ARHGEF3: variants seen among roughly 807,000 people sequenced by gnomAD.
The protein encoded by ARHGEF3 is 59.8 kDA protein.
In ARHGEF3, 28 loss-of-function variants were observed where a neutral mutation model predicts 63.2. The ratio of observed to expected loss-of-function variants is 0.44; its 90% confidence interval spans 0.33 to 0.61. ARHGEF3 has a LOEUF of 0.61. Among genes scored for constraint, ARHGEF3 ranks in the 20% least tolerant of loss-of-function variants. The probability of loss-of-function intolerance (pLI) is 0.03; values close to 1 mark genes in which losing one functional copy is unlikely to be tolerated. For missense variants in ARHGEF3, 533 were observed against 659.3 expected (o/e 0.81, Z 2.10); for synonymous variants, 266 against 254.2 (o/e 1.05, Z -0.44).
At chr3:56,985,498 C>T (rs1040906280) in intron 2 of ARHGEF3, among the ~76,000 whole-genome samples, 2 of 152,226 alleles carry the variant, frequency 1.3e-5, no homozygotes, top group Non-Finnish European at 1.5e-5. Context: ...CGCTACAGGG[C>T]GACAATGTGA....
Position 57,053,022 on chromosome 3 carries a change from C to T in ARHGEF3, c.-27-17846G>A, listed in dbSNP as rs189768487. On this transcript the variant is annotated intron_variant, in intron 1 of 12. Coordinates refer to the ARHGEF3 transcript ENST00000338458. ...GGCAAACAGAAGCAGATTTGCCCTC[C>T]TCACTGGGTCCCCTCCACCCTACCC... 1.2e-3 allele frequency among the ~76,000 whole-genome samples: 190 copies of T among 152,322 alleles called. 2 individuals carry two copies. Among genetic ancestry groups the T allele is most frequent in the Admixed American group, 0.012 (186 of 15,306 alleles).
At chr3:57,053,921 T>C (rs1257381059) in intron 1 of ARHGEF3, among the ~76,000 whole-genome samples, 1 of 152,232 alleles carries the variant, frequency 6.6e-6, no homozygotes, top group African/African-American at 2.4e-5. Context: ...GGCATTTGGA[T>C]TGTTTCCACC....
intron 4 of ARHGEF3, among the ~76,000 whole-genome samples, chr3:56,862,246 C>A (rs2040102340): frequency 6.6e-6 from 1 of 152,080 alleles, no homozygotes; most frequent in Non-Finnish European, 1.5e-5. Flanking sequence ...CAGATGACCT[C>A]AGAACCAACC....
At chr3:56,804,593 A>G (rs1186988045), upstream of ARHGEF3, among the ~76,000 whole-genome samples, 2 of 152,210 alleles carry the variant, frequency 1.3e-5, no homozygotes, top group East Asian at 3.9e-4. Context: ...GAATGGGTGG[A>G]GGTTCCAACT....
At chr3:56,942,202 C>T (rs1056315272) in intron 3 of ARHGEF3, among the ~76,000 whole-genome samples, 2 of 152,192 alleles carry the variant, frequency 1.3e-5, no homozygotes, top group Admixed American at 1.3e-4. Context: ...CTGCACTTGG[C>T]TTTATTGCAC....
Position 56,932,883 on chromosome 3 carries a change from G to A in ARHGEF3, c.129+25940C>T, listed in dbSNP as rs185851995. 2.5e-3 allele frequency among the ~76,000 whole-genome samples: 382 copies of A among 152,222 alleles called. 2 individuals carry two copies. Among genetic ancestry groups the A allele is most frequent in the Non-Finnish European group, 4.2e-3 (288 of 68,008 alleles). ...CCTGCTGAGGTCAATGATTTCAACT[G>A]TTACCTCATTATCAAAATAATCTTC... On this transcript the variant is annotated intron_variant, in intron 3 of 12. Coordinates refer to the ARHGEF3 transcript ENST00000338458.
intron 1 of ARHGEF3, among the ~76,000 whole-genome samples, chr3:57,052,771 C>A (rs1704729558): frequency 6.6e-6 from 1 of 152,150 alleles, no homozygotes; most frequent in Non-Finnish European, 1.5e-5. Context: ...AGCACACAGG[C>A]CTGGAATCGA....
Position 56,947,564 on chromosome 3 carries a change from A to G in ARHGEF3, c.129+11259T>C, listed in dbSNP as rs563969835. 2.0e-5 allele frequency among the ~76,000 whole-genome samples: 3 copies of G among 152,380 alleles called. No homozygotes were observed. In the East Asian group the frequency reaches 5.8e-4, roughly 29 times the overall value. ...ACATAATGGTAAAGAGATCAATTCA[A>G]CAAGAAGAGCTAACTATCCTAAATA... On this transcript the variant is annotated intron_variant, in intron 3 of 12. Transcript: ENST00000338458.
At chr3:56,958,340 T>C (rs1310434765) in intron 3 of ARHGEF3, among the ~76,000 whole-genome samples, 5 of 140,220 alleles carry the variant, frequency 3.6e-5, no homozygotes, top group Middle Eastern at 3.6e-3. Context: ...TTTTTTTTTT[T>C]TAATTTTAGA....
intron 3 of ARHGEF3, chr3:56,916,398 T>G (rs1421568484): frequency 6.5e-7 from 1 of 1,527,164 alleles, no homozygotes; most frequent in Non-Finnish European, 8.8e-7. Context: ...AGTGGAGCCC[T>G]GTGCACAGGA....
At chr3:57,037,100 G>A (rs1703994897) in intron 1 of ARHGEF3, among the ~76,000 whole-genome samples, 1 of 152,194 alleles carries the variant, frequency 6.6e-6, no homozygotes, top group South Asian at 2.1e-4. Flanking sequence ...AGGGGCCACT[G>A]CTCTGGCTTC....
intron 2 of ARHGEF3, among the ~76,000 whole-genome samples, chr3:56,992,918 C>T (rs1172838487): frequency 2.0e-5 from 3 of 152,216 alleles, no homozygotes; most frequent in Non-Finnish European, 4.4e-5. Context: ...ACTGCAACCT[C>T]TGCCGCCTGG....
At chr3:56,880,285 AAACAT>A (rs2040724350) in intron 4 of ARHGEF3, among the ~76,000 whole-genome samples, 1 of 152,192 alleles carries the variant, frequency 6.6e-6, no homozygotes, top group Admixed American at 6.5e-5. Flanking sequence ...TAATGTGATA[AAACAT>A]AACATATGAG....
At chr3:56,878,721 C>T (rs2040673456) in intron 4 of ARHGEF3, among the ~76,000 whole-genome samples, 1 of 152,166 alleles carries the variant, frequency 6.6e-6, no homozygotes, top group African/African-American at 2.4e-5. Context: ...TGCATCCCCC[C>T]AAACAATCGA....
At position 56,792,113 on chromosome 3, in the gene ARHGEF3, A is replaced by AAAAAAAG. The variant is rs55899473; in HGVS notation, c.96+9589_96+9590insCTTTTTT. Among the ~76,000 whole-genome samples, 16 of 140,060 alleles carry AAAAAAAG rather than the reference A, an allele frequency of 1.1e-4. 1 individual carries two copies. Among genetic ancestry groups the AAAAAAAG allele is most frequent in the African/African-American group, 1.5e-4 (5 of 33,716 alleles). The allele number at this position is 140,060 out of a possible 152,430, so 91.9% of individuals were successfully genotyped here. A position where few individuals can be genotyped will look rare whatever the true frequency, so the allele number is the denominator to read the frequency against. On this transcript the variant is annotated intron_variant, in intron 1 of 9. Coordinates refer to ENST00000296315, the MANE Select transcript of ARHGEF3 (RefSeq NM_019555.3). Reference sequence around the variant, plus strand: ...AGTGAGACTCTGTCTCAAAAAAAAAAAAAAGAAAAGAAAAGAAAAGAAAAG... The same window carrying AAAAAAAG: ...AGTGAGACTCTGTCTCAAAAAAAAAAAAAAAAGAAAAGAAAAGAAAAGAAAAGAAAAG...
intron 3 of ARHGEF3, among the ~76,000 whole-genome samples, chr3:56,920,127 A>G (rs1012046686): frequency 1.3e-5 from 2 of 152,156 alleles, no homozygotes. Flanking sequence ...TAAAAGGGGG[A>G]AAAAAACCTA....
intron 1 of ARHGEF3, among the ~76,000 whole-genome samples, chr3:56,792,819 A>ATT (rs56890309): frequency 4.1e-5 from 6 of 148,030 alleles, no homozygotes; most frequent in South Asian, 2.1e-4. Context: ...TCTTTTTCTT[A>ATT]TTTTTTTTTT....
chr3:56,944,547 GA>G (rs1282034390), intron 3 of ARHGEF3, among the ~76,000 whole-genome samples: 7 of 149,120 alleles, frequency 4.7e-5, no homozygotes, highest in Non-Finnish European at 8.9e-5. Context: ...GCTTCTTATG[GA>G]TGAGCAAAGA....
intron 3 of ARHGEF3, among the ~76,000 whole-genome samples, chr3:56,938,117 G>A (rs539854303): frequency 3.9e-5 from 6 of 152,210 alleles, no homozygotes; most frequent in Non-Finnish European, 7.4e-5. Flanking sequence ...ATCTAATACC[G>A]CTGGTTTTAT....
Sources: allele counts gnomAD v4.1 joint callset (sites outside exome capture counted in the v4.1 genomes callset), GRCh38; gene constraint gnomAD v4.1.1; transcripts MANE v1.5; gene names NCBI Gene and HGNC (gene_info 2026-07-23, HGNC 2026-07-21).